Variants in AJUBA observed in about 807,000 individuals in gnomAD.
The protein encoded by AJUBA is LIM domain-containing protein ajuba.
In AJUBA, 20 loss-of-function variants were observed where a neutral mutation model predicts 53.3. The ratio of observed to expected loss-of-function variants is 0.38; its 90% CI spans 0.26 to 0.55. The LOEUF is 0.55. Ranked by LOEUF, AJUBA falls within the 20% of genes least tolerant of loss-of-function variation. AJUBA has a pLI of 0.80. For missense variants in AJUBA, 580 were observed against 730.5 expected, an observed-to-expected ratio of 0.79 and a Z score of 2.38; for synonymous variants, 296 against 306.2, an observed-to-expected ratio of 0.97 and a Z score of 0.35.
intron 1 of AJUBA, chr14:22,978,866 A>G (rs978808678): frequency 3.1e-6 from 4 of 1,270,834 alleles, no homozygotes; most frequent in African/African-American, 1.5e-5. Flanking sequence ...AATACTTTCT[A>G]GAGAAAGCAG....
At position 22,982,352 on chromosome 14, in the gene AJUBA, C is replaced by A. The variant is rs1406826475; in HGVS notation, c.-86G>T. On this transcript the variant is annotated 5_prime_UTR_variant, in exon 1 of 8. Transcript: ENST00000262713. ...CCGGTTCTCTTTCCCTGCAGCCGGACTCTGGTTCCCCAGGGGCACAGGGGA... is the reference window on the plus strand; with the variant it reads ...CCGGTTCTCTTTCCCTGCAGCCGGAATCTGGTTCCCCAGGGGCACAGGGGA... The A allele has an allele frequency of 1.3e-6, 2 of 1,563,716 alleles. No individual in the cohort carries two copies. The highest frequency in any genetic ancestry group is 4.6e-5 in the East Asian group (2 of 43,796).
In AJUBA at chr14:22,978,437, T is replaced by C. The variant is rs772890059; in HGVS notation, c.1015A>G (p.Ile339Val). ...CCATAGATGCCTTTGTTGCACTTGA[T>C]ACAGGTGCCTGAGAAGAGAAAAGTG... ...EAREDYFGTC[I>V]KCNKGIYGQS... The change falls in exon 2 of 8, where the codon ATC becomes GTC. Residue 339 changes from isoleucine to valine, a missense_variant. This residue lies in a region of AJUBA where 150 missense variants were observed against 259.0 expected (regional missense o/e 0.58). Coordinates refer to ENST00000262713, the MANE Select transcript of AJUBA (RefSeq NM_032876.6). 1.2e-6 allele frequency: 2 copies of C among 1,610,960 alleles called. No homozygotes were observed. The highest frequency in any genetic ancestry group is 1.3e-5 in the African/African-American group (1 of 74,994).
At position 22,981,118 on chromosome 14, in the gene AJUBA, C is replaced by T. The variant is rs1198992835; in HGVS notation, c.1006+143G>A. 3 of 1,043,340 alleles carry T rather than the reference C, an allele frequency of 2.9e-6. No individual in the cohort carries two copies. In the East Asian group the frequency reaches 8.1e-5, roughly 28 times the overall value. The allele number at this position is 1,043,340 out of a possible 1,614,324, so 64.6% of individuals were successfully genotyped here. A position where few individuals can be genotyped will look rare whatever the true frequency, so the allele number is the denominator to read the frequency against. On this transcript the variant is annotated intron_variant, in intron 1 of 7. Coordinates refer to ENST00000262713, the MANE Select transcript of AJUBA (RefSeq NM_032876.6). ...GAAGGGGACAGTGCTCTGGGGCCGC[C>T]CCCATCCATCCCTCTTGCTTCTTTC... is the stretch of plus-strand genomic sequence containing the variant.
Position 22,982,275 on chromosome 14 carries a change from G to C in AJUBA, c.-9C>G. 1 of 1,611,324 alleles carries C rather than the reference G, an allele frequency of 6.2e-7. No homozygotes were observed. The highest frequency in any genetic ancestry group is 8.5e-7 in the Non-Finnish European group (1 of 1,179,188). On this transcript the variant is annotated 5_prime_UTR_variant, in exon 1 of 8. Coordinates refer to ENST00000262713, the MANE Select transcript of AJUBA (RefSeq NM_032876.6). The stretch of plus-strand genomic sequence containing the variant: ...TCTCCTAACCGCTCCATGCCCTCGG[G>C]CCTGGGGCCTCTCGCCCCCTCCCCG...
chr14:22,982,208 C>A lies in AJUBA; in HGVS notation c.59G>T (p.Gly20Val), dbSNP rs1033115242. 6.2e-7 allele frequency: 1 copy of A among 1,613,996 alleles called. No homozygotes were observed. Among genetic ancestry groups the A allele is most frequent in the South Asian group, 1.1e-5 (1 of 91,082 alleles). The stretch of plus-strand genomic sequence containing the variant: ...GTCAGACCCAGACCGGCTAGATTCA[C>A]CCTTTCTGCGGCCGAACTTCTCCAG... ...RLLEKFGRRKGESSRSGSDGT... is the reference protein window; with the variant it reads ...RLLEKFGRRKVESSRSGSDGT... The change falls in exon 1 of 8, where the codon GGT becomes GTT. Residue 20 changes from glycine (G) to valine (V), a missense_variant. Coordinates refer to ENST00000262713, the MANE Select transcript of AJUBA (RefSeq NM_032876.6).
In AJUBA at chr14:22,981,256, C is replaced by T; in HGVS notation, c.1006+5G>A. Reference sequence around the variant, plus strand: ...TTCCCGTCCCTAACCACTTCTCTCACTCACCGAAGTAGTCCTCCCTGGCCT... The same window carrying T: ...TTCCCGTCCCTAACCACTTCTCTCATTCACCGAAGTAGTCCTCCCTGGCCT... On this transcript the variant is annotated splice_donor_5th_base_variant and intron_variant, in intron 1 of 7. Transcript: ENST00000262713. 1 of 1,595,102 alleles carries T rather than the reference C, an allele frequency of 6.3e-7. No homozygotes were observed. Among genetic ancestry groups the T allele is most frequent in the Non-Finnish European group, 8.6e-7 (1 of 1,167,966 alleles).
rs2045018206 is a variant in AJUBA, at chr14:22,974,721, TCA to T, written c.1422+116_1422+117del. On this transcript the variant is annotated intron_variant, in intron 6 of 7. Transcript: ENST00000262713. ...AAGAGGCAGAGTCACACGGGAATCTTCACAGAGTACATTCCTTGGCACTACCA... is the reference window on the plus strand; with the variant it reads ...AAGAGGCAGAGTCACACGGGAATCTTCAGAGTACATTCCTTGGCACTACCA... The T allele has an allele frequency of 7.4e-6, 9 of 1,215,212 alleles. 1 individual carries two copies. In the South Asian group the frequency reaches 1.3e-4, roughly 18 times the overall value. The allele number at this position is 1,215,212 out of a possible 1,614,324, so 75.3% of individuals were successfully genotyped here.
At chr14:22,976,867 T>C in intron 2 of AJUBA, 155 bp from the exon 3 acceptor site, 6 of 1,433,334 alleles carry the variant, frequency 4.2e-6, no homozygotes, top group Non-Finnish European at 5.5e-6. Flanking sequence ...AAAAATTCCA[T>C]CTGATGCAAT....
chr14:22,974,622 A>G (rs1402352190), intron 6 of AJUBA: 1 of 564,228 alleles, frequency 1.8e-6, no homozygotes, highest in African/African-American at 1.9e-5. Context: ...CTGGGATAGA[A>G]GAGATGGAGC....
In AJUBA at chr14:22,981,995, G is replaced by C. The variant is rs1318126102; in HGVS notation, c.272C>G (p.Ala91Gly). ...CAAGGCCCGGGTGGGCGGCGGCCCC[G>C]CGGGAAAAGAGCCTTCGTAGCGCGG... Reference protein sequence around the residue: ...EAPRYEGSFPAGPPPTRALPL... With the variant: ...EAPRYEGSFPGGPPPTRALPL... Residue 91 changes from alanine to glycine, a missense_variant, in exon 1 of 8, where the codon GCG (alanine) becomes GGG (glycine). Physicochemically the swap from Ala to Gly is moderately conservative, Grantham distance 60. Transcript: ENST00000262713. The C allele has an allele frequency of 1.3e-6, 2 of 1,581,384 alleles. No homozygotes were observed. The highest frequency in any genetic ancestry group is 2.0e-5 in the Admixed American group (1 of 51,220).
At chr14:22,980,352 C>T (rs992676315) in intron 1 of AJUBA, among the ~76,000 whole-genome samples, 1 of 152,162 alleles carries the variant, frequency 6.6e-6, no homozygotes, top group African/African-American at 2.4e-5. Flanking sequence ...ACTTCCTGAA[C>T]AGAGTAGGGG....
At chr14:22,976,369 C>T (rs1274521440) in intron 4 of AJUBA, 87 bp downstream of exon 4, 1 of 1,376,926 alleles carries the variant, frequency 7.3e-7, no homozygotes, top group Non-Finnish European at 1.0e-6. Flanking sequence ...GGCTTCTTTC[C>T]CCAACCTTCT....
At position 22,973,226 on chromosome 14, in the gene AJUBA, A is replaced by G; in HGVS notation, c.*217T>C. 1.5e-6 allele frequency: 1 copy of G among 662,222 alleles called. No individual in the cohort carries two copies. Among genetic ancestry groups the G allele is most frequent in the Non-Finnish European group, 2.5e-6 (1 of 406,066 alleles). The allele number at this position is 662,222 out of a possible 1,614,324, so 41.0% of individuals were successfully genotyped here. On this transcript the variant is annotated 3_prime_UTR_variant, in exon 8 of 8. Transcript: ENST00000262713. ...CCTAAGCTCAGACTGCACACATGGG[A>G]AAAAGGCCAGTCGCCCCCACCCTGG...
rs748229445 is a variant in AJUBA, at chr14:22,976,522, A to C, written c.1177-4T>G. On this transcript the variant is annotated splice_polypyrimidine_tract_variant and splice_region_variant and intron_variant, in intron 3 of 7. Coordinates refer to ENST00000262713, the MANE Select transcript of AJUBA (RefSeq NM_032876.6). ...CTGCCTCCTGAAACCCTGAAAACTA[A>C]AGTAAAAGACAAGACGAACGGAGGC... is the stretch of plus-strand genomic sequence containing the variant. 6.2e-7 allele frequency: 1 copy of C among 1,614,120 alleles called. No homozygotes were observed. Among genetic ancestry groups the C allele is most frequent in the Admixed American group, 1.7e-5 (1 of 60,020 alleles).
Position 22,981,832 on chromosome 14 carries a change from G to T in AJUBA, c.435C>A (p.Asp145Glu), listed in dbSNP as rs571199027. ...PSSPRGSLLLDGAGAGGAGGS... is the reference protein window; with the variant it reads ...PSSPRGSLLLEGAGAGGAGGS... Reference sequence around the variant, plus strand: ...CTCCAGCTCCGCCAGCCCCCGCCCCGTCCAGCAGCAGGCTGCCCCGGGGGC... The same window carrying T: ...CTCCAGCTCCGCCAGCCCCCGCCCCTTCCAGCAGCAGGCTGCCCCGGGGGC... The change falls in exon 1 of 8, where the codon GAC becomes GAA. Residue 145 changes from aspartate (D) to glutamate (E), a missense_variant. Asp to Glu is a conservative substitution (Grantham distance 45, BLOSUM62 2). Transcript: ENST00000262713. 4 of 1,533,544 alleles carry T rather than the reference G, an allele frequency of 2.6e-6. No homozygotes were observed. In the Admixed American group the frequency reaches 7.9e-5, roughly 30 times the overall value. The allele number at this position is 1,533,544 out of a possible 1,614,324, so 95.0% of individuals were successfully genotyped here.
chr14:22,977,978 C>T (rs1315296604), intron 2 of AJUBA, among the ~76,000 whole-genome samples: 1 of 151,346 alleles, frequency 6.6e-6, no homozygotes, highest in Admixed American at 6.6e-5. Context: ...ACCCTCCCCA[C>T]ATTCCAGTCT....
chr14:22,976,619 T>A (rs1384295163), intron 3 of AJUBA, 26 bp downstream of exon 3: 2 of 1,613,462 alleles, frequency 1.2e-6, no homozygotes, highest in East Asian at 4.5e-5. Context: ...GGAAACCAAT[T>A]CCAGGTCCAG....
intron 6 of AJUBA, 125 bp downstream of exon 6, chr14:22,974,714 G>A: frequency 2.6e-6 from 3 of 1,148,194 alleles, no homozygotes; most frequent in Non-Finnish European, 3.7e-6. Context: ...GAGTCACACG[G>A]GAATCTTCAC....
At chr14:22,980,708 G>A in intron 1 of AJUBA, 3 of 984,228 alleles carry the variant, frequency 3.0e-6, no homozygotes, top group South Asian at 9.4e-5. Context: ...CGTATGCTAG[G>A]GAGCGTCCCC....
Sources: allele counts gnomAD v4.1 joint callset (sites outside exome capture counted in the v4.1 genomes callset), GRCh38; gene constraint gnomAD v4.1.1; regional missense constraint gnomAD v4.1.1; transcripts MANE v1.5; gene names NCBI Gene and HGNC (gene_info 2026-07-23, HGNC 2026-07-21).